Variants in TLCD3B observed in about 807,000 individuals in gnomAD.
TLCD3B encodes the protein ceramide synthase.
A neutral mutation model predicts 23.0 loss-of-function variants in TLCD3B; 9 were observed. The observed-to-expected ratio is 0.39, with a 90% CI of 0.24 to 0.68. TLCD3B has a LOEUF of 0.68. TLCD3B is among the 30% of genes least tolerant of loss of function. The pLI is 0.44. For missense variants in TLCD3B, 307 were observed against 371.8 expected (o/e 0.83, Z 1.43); for synonymous variants, 161 against 161.0 (o/e 1.00, Z 0.00).
rs556688295 is a variant in TLCD3B at position 30,024,430 on chromosome 16, C to T, written c.*753G>A. 10 of 701,542 alleles carry T rather than the reference C, an allele frequency of 1.4e-5. No individual in the cohort carries two copies. Among genetic ancestry groups the T allele is most frequent in the East Asian group, 5.4e-5 (2 of 36,698 alleles). The allele number at this position is 701,542 out of a possible 1,614,324, so 43.5% of individuals were successfully genotyped here. A position where few individuals can be genotyped will look rare whatever the true frequency, so the allele number is the denominator to read the frequency against. Reference sequence around the variant, plus strand: ...AACTTGGTGGCAAGGGCCTTGGTGGCGTTCACGCAGATCGTCTTTTATTAG... The same window carrying T: ...AACTTGGTGGCAAGGGCCTTGGTGGTGTTCACGCAGATCGTCTTTTATTAG... On this transcript the variant is annotated 3_prime_UTR_variant, in exon 5 of 5. Transcript: ENST00000380495.
In TLCD3B at chr16:30,045,092, CAAAAAAAAAAAA is replaced by C. The variant is rs1162281544; in HGVS notation, c.-229+1219_-229+1230del. 3.6e-4 allele frequency among the ~76,000 whole-genome samples: 8 copies of C among 22,226 alleles called. 1 individual carries two copies. Among genetic ancestry groups the C allele is most frequent in the Admixed American group, 2.5e-3 (3 of 1,220 alleles). The allele number at this position is 22,226 out of a possible 152,430, so 14.6% of individuals were successfully genotyped here. A position where few individuals can be genotyped will look rare whatever the true frequency, so the allele number is the denominator to read the frequency against. ...TGGGCGACAAAGCAAGACTCCATCT[CAAAAAAAAAAAA>C]AAAAAAAAAAAAAAAGAACAAAAAG... On this transcript the variant is annotated intron_variant, in intron 2 of 6. Transcript: ENST00000561666.
At chr16:30,043,883 G>A (rs58760376) in intron 2 of TLCD3B, among the ~76,000 whole-genome samples, 4,530 of 151,420 alleles carry the variant, frequency 0.03, 227 homozygotes, top group African/African-American at 0.1. Context: ...ACAGGGTTTC[G>A]CCATGTTGCT....
At chr16:30,028,850 C>T (rs1048889281) in intron 2 of TLCD3B, among the ~76,000 whole-genome samples, 4 of 152,200 alleles carry the variant, frequency 2.6e-5, no homozygotes, top group Non-Finnish European at 4.4e-5. Context: ...CTCTCCTCCC[C>T]GTCCCCCCGC....
In TLCD3B at chr16:30,025,269, A is replaced by T; in HGVS notation, c.739T>A (p.Tyr247Asn). ...CCACGGCAGATGAGGAAGAACCAGT[A>T]GAGCTGAGGGGCCAGGAGCAGCGCA... ...GAALLLAPQL[Y>N]WFFLICRGAC... The change falls in exon 5 of 5, where the codon TAC (tyrosine) becomes AAC (asparagine). Residue 247 changes from tyrosine (Y) to asparagine (N), a missense_variant. By Grantham distance (143) the Tyr-to-Asn change is moderately radical. Coordinates refer to ENST00000380495, the MANE Select transcript of TLCD3B (RefSeq NM_031478.6). The surrounding 1 kb of genome is among the most constrained non-coding windows in gnomAD (Gnocchi z 4.1). 1 of 1,542,320 alleles carries T rather than the reference A, an allele frequency of 6.5e-7. No homozygotes were observed. Among genetic ancestry groups the T allele is most frequent in the Non-Finnish European group, 8.7e-7 (1 of 1,144,490 alleles).
At chr16:30,033,590 C>T (rs1282138139), upstream of TLCD3B, 1 of 152,206 alleles carries the variant, frequency 6.6e-6, no homozygotes, top group Non-Finnish European at 1.5e-5. Context: ...GGCCCACAGA[C>T]ATGTTTTGTT....
chr16:30,028,808 T>A (rs575917752), intron 2 of TLCD3B, among the ~76,000 whole-genome samples: 1 of 152,248 alleles, frequency 6.6e-6, no homozygotes, highest in South Asian at 2.1e-4. Flanking sequence ...GTGGGTCACC[T>A]AGGGCGGCCG....
chr16:30,028,242 G>A (rs1227750377), intron 2 of TLCD3B, among the ~76,000 whole-genome samples: 1 of 152,186 alleles, frequency 6.6e-6, no homozygotes, highest in East Asian at 1.9e-4. Flanking sequence ...TGTCATGTGA[G>A]GTGTTAGATC....
intron 2 of TLCD3B, among the ~76,000 whole-genome samples, chr16:30,045,963 A>G (rs1330148068): frequency 6.6e-6 from 1 of 151,960 alleles, no homozygotes; most frequent in Non-Finnish European, 1.5e-5. Flanking sequence ...CAAAAAAATT[A>G]GCTGGGCGTG....
rs146608256 is a variant in TLCD3B, at chr16:30,028,411, G to A, written c.209+1021C>T. Among the ~76,000 whole-genome samples, 134 of 152,242 alleles carry A rather than the reference G, an allele frequency of 8.8e-4. 4 individuals carry two copies. Among genetic ancestry groups the A allele is most frequent in the African/African-American group, 3.1e-3 (128 of 41,554 alleles). On this transcript the variant is annotated intron_variant, in intron 2 of 4. Transcript: ENST00000380495. ...GGAGCAGGGGGTACAGAAGCTAAAC[G>A]GTGACCTCTGCATGTGAAGGCTGGG...
upstream of TLCD3B, chr16:30,053,039 A>T (rs1400449009): frequency 6.6e-6 from 1 of 152,290 alleles, no homozygotes; most frequent in East Asian, 1.9e-4. Flanking sequence ...AGGCGGGAAG[A>T]GGGAGGCGCG....
chr16:30,042,539 T>A (rs1011683641), intron 2 of TLCD3B, among the ~76,000 whole-genome samples: 4 of 152,208 alleles, frequency 2.6e-5, no homozygotes, highest in African/African-American at 9.6e-5. Context: ...TCCGCCTTTA[T>A]ACACATCAAT....
chr16:30,047,119 C>T (rs1454904329), intron 1 of TLCD3B, among the ~76,000 whole-genome samples: 1 of 151,914 alleles, frequency 6.6e-6, no homozygotes, highest in Admixed American at 6.6e-5. Flanking sequence ...AGCCACCATG[C>T]CCTGCCTGTT....
At chr16:30,031,867 C>A (rs1444058942), upstream of TLCD3B, among the ~76,000 whole-genome samples, 1 of 152,142 alleles carries the variant, frequency 6.6e-6, no homozygotes, top group East Asian at 1.9e-4. Flanking sequence ...AGTGGCACAG[C>A]CCTCTCATTG....
upstream of TLCD3B, among the ~76,000 whole-genome samples, chr16:30,035,716 T>A (rs931568195): frequency 2.6e-5 from 4 of 152,142 alleles, no homozygotes; most frequent in Non-Finnish European, 4.4e-5. Context: ...TTTTTTGTTT[T>A]AAACACTCAA....
At chr16:30,045,820 G>A (rs1258559706) in intron 2 of TLCD3B, among the ~76,000 whole-genome samples, 1 of 151,268 alleles carries the variant, frequency 6.6e-6, no homozygotes. Flanking sequence ...AACCCTTGTC[G>A]GGTGGTCAAT....
Position 30,025,757 on chromosome 16 carries a change from G to T in TLCD3B, c.509C>A (p.Pro170His). 1 of 1,614,136 alleles carries T rather than the reference G, an allele frequency of 6.2e-7. No individual in the cohort carries two copies. Among genetic ancestry groups the T allele is most frequent in the Non-Finnish European group, 8.5e-7 (1 of 1,180,020 alleles). Residue 170 changes from proline to histidine, a missense_variant, in exon 4 of 5, where the codon CCC (proline) becomes CAC (histidine). Physicochemically the swap from Pro to His is moderately conservative, Grantham distance 77. Coordinates refer to ENST00000380495, the MANE Select transcript of TLCD3B (RefSeq NM_031478.6). The surrounding 1 kb of genome is among the most constrained non-coding windows in gnomAD (Gnocchi z 4.1). ...GAGGATCTTGCCAAGGCAGACGAAG[G>T]GCGTGCTGACCTCTGCCATCAACAT... ...GCMLMAEVST[P>H]FVCLGKILIQ...
intron 2 of TLCD3B, among the ~76,000 whole-genome samples, chr16:30,042,718 A>G (rs537738271): frequency 6.6e-6 from 1 of 152,096 alleles, no homozygotes; most frequent in East Asian, 1.9e-4. Flanking sequence ...TTGTTTCCCC[A>G]CAAAAAAAAA....
chr16:30,025,600 T>C lies in TLCD3B; in HGVS notation c.540+126A>G. ...ACTTTGCCAGGACACAAGCACCAGG[T>C]GCTCAAAATGCACGGGGTGAGGGGG... On this transcript the variant is annotated intron_variant, in intron 4 of 4. Transcript: ENST00000380495. The surrounding 1 kb of genome is among the most constrained non-coding windows in gnomAD (Gnocchi z 4.1). 1 of 1,468,542 alleles carries C rather than the reference T, an allele frequency of 6.8e-7. No homozygotes were observed. Among genetic ancestry groups the C allele is most frequent in the African/African-American group, 1.4e-5 (1 of 72,042 alleles). 91.0% of individuals were successfully genotyped at this position (1,468,542 alleles called of 1,614,324 possible).
At chr16:30,050,203 A>G (rs1227972255) in intron 1 of TLCD3B, among the ~76,000 whole-genome samples, 1 of 152,184 alleles carries the variant, frequency 6.6e-6, no homozygotes, top group East Asian at 1.9e-4. Flanking sequence ...GGCTGAGGTG[A>G]GAACTGGCCT....
Sources: allele counts gnomAD v4.1 joint callset (sites outside exome capture counted in the v4.1 genomes callset), GRCh38; gene constraint gnomAD v4.1.1; non-coding constraint Gnocchi (gnomAD v3.1); transcripts MANE v1.5; gene names NCBI Gene and HGNC (gene_info 2026-07-23, HGNC 2026-07-21).